MAB21L3: variants seen among roughly 807,000 people sequenced by gnomAD.
MAB21L3 encodes mab-21 like 3, also known as protein mab-21-like 3.
A neutral mutation model predicts 37.7 loss-of-function variants in MAB21L3; 36 were observed. The observed-to-expected ratio is 0.96, with a 90% confidence interval of 0.73 to 1.26. The LOEUF is 1.26. Among genes scored for constraint, MAB21L3 ranks in the 50% most tolerant of loss-of-function variants. MAB21L3 has a pLI of 0.00. For missense variants in MAB21L3, 430 were observed against 447.3 expected (o/e 0.96, Z 0.35); for synonymous variants, 186 against 176.8 (o/e 1.05, Z -0.41).
rs375077010 is a variant in MAB21L3, at chr1:116,135,304, C to T, written c.*1939C>T. On this transcript the variant is annotated 3_prime_UTR_variant, in exon 8 of 8. Transcript: ENST00000369500. ...AAAATGATAAAGGGGATATCACCAC[C>T]GATCCCACAGAAATACAAACTACCA... The T allele has an allele frequency of 6.6e-5, 10 of 151,852 alleles. No homozygotes were observed. The highest frequency in any genetic ancestry group is 1.9e-4 in the East Asian group (1 of 5,178). The allele number at this position is 151,852 out of a possible 1,614,324, so 9.4% of individuals were successfully genotyped here. A position where few individuals can be genotyped will look rare whatever the true frequency, so the allele number is the denominator to read the frequency against.
chr1:116,121,131 G>A (rs574707367), intron 4 of MAB21L3, 59 bp downstream of exon 4: 5 of 1,524,364 alleles, frequency 3.3e-6, no homozygotes, highest in Non-Finnish European at 4.5e-6. Flanking sequence ...TTGGGCAGGT[G>A]AATCTCAGTG....
chr1:116,126,044 C>T (rs1398989995), intron 5 of MAB21L3, among the ~76,000 whole-genome samples: 1 of 152,224 alleles, frequency 6.6e-6, no homozygotes, highest in East Asian at 1.9e-4. Flanking sequence ...CTGGGCAGCT[C>T]TGATGAGATG....
chr1:116,121,095 A>G (rs1273697601), intron 4 of MAB21L3, 23 bp downstream of exon 4: 14 of 1,606,860 alleles, frequency 8.7e-6, no homozygotes, highest in Non-Finnish European at 1.1e-5. Context: ...TGCTGTCTCT[A>G]AGTGCCACCA....
At chr1:116,118,216 T>C (rs1440457940) in intron 3 of MAB21L3, among the ~76,000 whole-genome samples, 1 of 152,034 alleles carries the variant, frequency 6.6e-6, no homozygotes, top group Non-Finnish European at 1.5e-5. Context: ...ACCCCGTCTC[T>C]ACTAAAAATA....
chr1:116,116,765 G>T (rs906602859), intron 3 of MAB21L3, among the ~76,000 whole-genome samples: 2 of 152,174 alleles, frequency 1.3e-5, no homozygotes, highest in African/African-American at 4.8e-5. Flanking sequence ...AGTTGCAGCA[G>T]AAGTGATGGA....
Position 116,117,054 on chromosome 1 carries a change from G to A in MAB21L3, c.49-3878G>A, listed in dbSNP as rs75303058. 1.9e-3 allele frequency among the ~76,000 whole-genome samples: 280 copies of A among 151,322 alleles called. 8 individuals carry two copies. In the East Asian group the frequency reaches 0.052, roughly 28 times the overall value. ...GTGTTATGTGCATACATACACACATGTACATACATACACACATGCACACAC... is the reference window on the plus strand; with the variant it reads ...GTGTTATGTGCATACATACACACATATACATACATACACACATGCACACAC... On this transcript the variant is annotated intron_variant, in intron 3 of 7. Transcript: ENST00000369500.
At chr1:116,131,869 A>G (rs1660074160) in intron 7 of MAB21L3, among the ~76,000 whole-genome samples, 1 of 152,160 alleles carries the variant, frequency 6.6e-6, no homozygotes, top group South Asian at 2.1e-4. Context: ...ATGTGGAGGC[A>G]GTGTGGAGGG....
intron 5 of MAB21L3, among the ~76,000 whole-genome samples, chr1:116,126,742 T>C (rs192306519): frequency 1.4e-4 from 21 of 152,244 alleles, no homozygotes; most frequent in Admixed American, 9.2e-4. Context: ...TATAGAAAAA[T>C]AGTTAGGTTT....
Position 116,121,083 on chromosome 1 carries a change from C to T in MAB21L3, c.189+11C>T. The T allele has an allele frequency of 6.2e-7, 1 of 1,610,544 alleles. No individual in the cohort carries two copies. The highest frequency in any genetic ancestry group is 8.5e-7 in the Non-Finnish European group (1 of 1,178,028). ...AATGAAAATATTAAGGTAAGCAAGT[C>T]TTGCTGTCTCTAAGTGCCACCAACA... On this transcript the variant is annotated intron_variant, in intron 4 of 7. Coordinates refer to ENST00000369500, the MANE Select transcript of MAB21L3 (RefSeq NM_152367.3).
At chr1:116,118,252 C>T (rs940149705) in intron 3 of MAB21L3, among the ~76,000 whole-genome samples, 6 of 151,962 alleles carry the variant, frequency 3.9e-5, no homozygotes, top group African/African-American at 1.2e-4. Context: ...TGTGGTGGCA[C>T]GTGCCTGTAG....
At position 116,136,851 on chromosome 1, in the gene MAB21L3, C is replaced by G. The variant is rs1235469049; in HGVS notation, c.*3486C>G. On this transcript the variant is annotated 3_prime_UTR_variant, in exon 8 of 8. Coordinates refer to ENST00000369500, the MANE Select transcript of MAB21L3 (RefSeq NM_152367.3). ...CTACAACTATCTGATCTTTGACAAA[C>G]CTGAGAAAAACAAGCAATGGGGAAA... 6.9e-6 allele frequency among the ~76,000 whole-genome samples: 1 copy of G among 144,648 alleles called. No homozygotes were observed. Among genetic ancestry groups the G allele is most frequent in the South Asian group, 2.3e-4 (1 of 4,426 alleles). 94.9% of individuals were successfully genotyped at this position (144,648 alleles called of 152,430 possible).
Position 116,118,210 on chromosome 1 carries a change from C to T in MAB21L3, c.49-2722C>T, listed in dbSNP as rs139814422. 8.8e-3 allele frequency among the ~76,000 whole-genome samples: 1,343 copies of T among 152,064 alleles called. 19 individuals are homozygous for T. Among genetic ancestry groups the T allele is most frequent in the African/African-American group, 0.03 (1,262 of 41,470 alleles). On this transcript the variant is annotated intron_variant, in intron 3 of 7. Coordinates refer to ENST00000369500, the MANE Select transcript of MAB21L3 (RefSeq NM_152367.3). Reference sequence around the variant, plus strand: ...CATCCTAGCTAACATGGTGAAACCCCGTCTCTACTAAAAATACAAAAATTA... The same window carrying T: ...CATCCTAGCTAACATGGTGAAACCCTGTCTCTACTAAAAATACAAAAATTA...
intron 5 of MAB21L3, among the ~76,000 whole-genome samples, chr1:116,125,261 G>A (rs1192422971): frequency 3.3e-5 from 5 of 152,126 alleles, no homozygotes; most frequent in African/African-American, 1.2e-4. Context: ...CCTTTTTAAA[G>A]GGCAAGTTGT....
chr1:116,134,979 A>G lies in MAB21L3; in HGVS notation c.*1614A>G, dbSNP rs60866027. 4.7e-3 allele frequency: 719 copies of G among 152,324 alleles called. 10 individuals carry two copies. Among genetic ancestry groups the G allele is most frequent in the African/African-American group, 0.017 (690 of 41,572 alleles). 9.4% of individuals were successfully genotyped at this position (152,324 alleles called of 1,614,324 possible). ...TGATTTTGTTTTCATGAAAATTCAC[A>G]TTTGAAAATGAAAATGATTACTTTT... On this transcript the variant is annotated 3_prime_UTR_variant, in exon 8 of 8. Transcript: ENST00000369500.
intron 4 of MAB21L3, among the ~76,000 whole-genome samples, chr1:116,121,583 G>A (rs191844491): frequency 1.5e-4 from 23 of 152,248 alleles, no homozygotes; most frequent in Admixed American, 1.2e-3. Flanking sequence ...TAGATTGGGG[G>A]TGGGGTGGAG....
rs781545842 is a variant in MAB21L3, at chr1:116,128,307, A to T, written c.823A>T (p.Asn275Tyr). Residue 275 changes from asparagine (N) to tyrosine (Y), a missense_variant, in exon 7 of 8, where the codon AAC (asparagine) becomes TAC (tyrosine). Physicochemically the swap from Asn to Tyr is moderately radical, Grantham distance 143. Coordinates refer to ENST00000369500, the MANE Select transcript of MAB21L3 (RefSeq NM_152367.3). ...GAAGGAGGACATCTGGTGCCCAGGG[A>T]ACAGGCCGGTTATCACGTCCCACCA... ...HLKEDIWCPG[N>Y]RPVITSHHLQ... 1.2e-6 allele frequency: 2 copies of T among 1,613,482 alleles called. No homozygotes were observed. Among genetic ancestry groups the T allele is most frequent in the South Asian group, 2.2e-5 (2 of 90,986 alleles).
Position 116,132,591 on chromosome 1 carries a change from C to T in MAB21L3, c.856-541C>T, listed in dbSNP as rs114383880. Among the ~76,000 whole-genome samples, 1,436 of 152,128 alleles carry T rather than the reference C, an allele frequency of 9.4e-3. 22 individuals carry two copies. Among genetic ancestry groups the T allele is most frequent in the African/African-American group, 0.033 (1,378 of 41,482 alleles). ...AGGAAATGACCACAAATAATAGAGC[C>T]GACTCTCCAGAGAAGCCTGGATTTG... On this transcript the variant is annotated intron_variant, in intron 7 of 7. Transcript: ENST00000369500.
intron 7 of MAB21L3, among the ~76,000 whole-genome samples, chr1:116,131,866 G>T (rs1660074080): frequency 6.6e-6 from 1 of 152,200 alleles, no homozygotes; most frequent in Admixed American, 6.5e-5. Context: ...GAGATGTGGA[G>T]GCAGTGTGGA....
In MAB21L3 at chr1:116,124,204, C is replaced by G; in HGVS notation, c.328C>G (p.Leu110Val). The G allele has an allele frequency of 6.2e-7, 1 of 1,614,240 alleles. No homozygotes were observed. Among genetic ancestry groups the G allele is most frequent in the Non-Finnish European group, 8.5e-7 (1 of 1,180,050 alleles). Residue 110 changes from leucine to valine, a missense_variant, in exon 5 of 8, where the codon CTG becomes GTG. Leu to Val is a conservative substitution (Grantham distance 32). Transcript: ENST00000369500. ...CTGCCCGTTGCGGGACCCTGAGGGT[C>G]TGCAGCAGTGGCTGGAGGTGGAACA... ...LPCPLRDPEG[L>V]QQWLEVEQFM...
Sources: allele counts gnomAD v4.1 joint callset (sites outside exome capture counted in the v4.1 genomes callset), GRCh38; gene constraint gnomAD v4.1.1; transcripts MANE v1.5; gene names NCBI Gene and HGNC (gene_info 2026-07-23, HGNC 2026-07-21).